TTLL7: variants seen among roughly 807,000 people sequenced by gnomAD.
TTLL7 encodes tubulin polyglutamylase TTLL7.
In TTLL7, 53 loss-of-function variants were observed where a neutral mutation model predicts 120.2. The observed-to-expected ratio is 0.44, with a 90% CI of 0.35 to 0.55. The LOEUF is 0.55. Among genes scored for constraint, TTLL7 ranks in the 20% least tolerant of loss-of-function variants. The pLI, the probability that TTLL7 is intolerant of heterozygous loss-of-function variation, is 0.00. For synonymous variants in TTLL7, 353 were observed against 351.7 expected, an observed-to-expected ratio of 1.00 and a Z score of -0.04; for missense variants, 803 against 1,054.7, an observed-to-expected ratio of 0.76 and a Z score of 3.31.
At chr1:83,917,571 T>C in intron 14 of TTLL7, 33 bp downstream of exon 14, 1 of 1,483,666 alleles carries the variant, frequency 6.7e-7, no homozygotes, top group Non-Finnish European at 9.4e-7. Context: ...AGCATCTACT[T>C]TGATAAGTAA....
At chr1:83,927,840 T>C (rs1184560466) in intron 10 of TTLL7, among the ~76,000 whole-genome samples, 4 of 152,166 alleles carry the variant, frequency 2.6e-5, no homozygotes, top group African/African-American at 9.6e-5. Context: ...CTGCTTAAGA[T>C]ACTGTGATGT....
chr1:83,916,853 G>A (rs527544113), intron 14 of TTLL7, among the ~76,000 whole-genome samples: 1 of 152,182 alleles, frequency 6.6e-6, no homozygotes, highest in East Asian at 1.9e-4. Context: ...ACTTTGGTAG[G>A]CCAAGGCAGG....
Position 83,917,653 on chromosome 1 carries a change from A to G in TTLL7, c.1538T>C (p.Ile513Thr). The G allele has an allele frequency of 1.2e-6, 2 of 1,613,456 alleles. No individual in the cohort carries two copies. Among genetic ancestry groups the G allele is most frequent in the Non-Finnish European group, 1.7e-6 (2 of 1,179,544 alleles). ...DILDLLEQCE[I>T]DDEKLMGKTT... is the part of the protein sequence containing the mutation. Reference sequence around the variant, plus strand: ...TTTTCCCATCAACTTTTCATCATCAATTTCACATTGCTCCAGAAGATCCAA... The same window carrying G: ...TTTTCCCATCAACTTTTCATCATCAGTTTCACATTGCTCCAGAAGATCCAA... Residue 513 changes from isoleucine to threonine, a missense_variant, in exon 14 of 21, where the codon ATT becomes ACT. Transcript: ENST00000260505.
intron 20 of TTLL7, among the ~76,000 whole-genome samples, chr1:83,877,383 T>C (rs1194013317): frequency 3.3e-5 from 5 of 151,992 alleles, no homozygotes; most frequent in Non-Finnish European, 4.4e-5. Context: ...AAAAGTATGG[T>C]AGTCTAGAAC....
chr1:83,949,606 G>C (rs1224435202), intron 4 of TTLL7: 5 of 369,476 alleles, frequency 1.4e-5, no homozygotes, highest in African/African-American at 2.2e-5. Context: ...GATTACAGGT[G>C]TCAGCCACCA....
chr1:83,890,106 A>G (rs1366743672), intron 19 of TTLL7, among the ~76,000 whole-genome samples: 1 of 152,084 alleles, frequency 6.6e-6, no homozygotes, highest in Non-Finnish European at 1.5e-5. Flanking sequence ...CCTTCTCTCC[A>G]CCGAATTCAA....
chr1:83,911,763 C>T (rs189088616), intron 14 of TTLL7, among the ~76,000 whole-genome samples: 129 of 151,830 alleles, frequency 8.5e-4, no homozygotes, highest in African/African-American at 2.9e-3. Flanking sequence ...TTATCATTAA[C>T]GTTCAGAGTT....
At chr1:83,883,353 G>A (rs1043012305) in intron 19 of TTLL7, among the ~76,000 whole-genome samples, 12 of 151,986 alleles carry the variant, frequency 7.9e-5, no homozygotes, top group East Asian at 1.9e-4. Flanking sequence ...CTATTTGTCC[G>A]TGTGTGTGTT....
chr1:83,988,902 G>A (rs1268821297), intron 1 of TTLL7, among the ~76,000 whole-genome samples: 1 of 152,000 alleles, frequency 6.6e-6, no homozygotes, highest in Non-Finnish European at 1.5e-5. Flanking sequence ...TAGAGACGGG[G>A]TTTCACCATG....
intron 1 of TTLL7, among the ~76,000 whole-genome samples, chr1:83,994,327 T>C (rs945244561): frequency 2.6e-4 from 39 of 152,162 alleles, no homozygotes; most frequent in Middle Eastern, 3.2e-3. Context: ...AGACACTTAA[T>C]GGCCTGCCTA....
chr1:83,987,309 T>C (rs944698191), intron 1 of TTLL7, among the ~76,000 whole-genome samples: 1 of 151,630 alleles, frequency 6.6e-6, no homozygotes, highest in African/African-American at 2.4e-5. Context: ...AAGAAATCAA[T>C]GAAGACTTAA....
At chr1:83,998,779 A>C (rs1391346000) in intron 1 of TTLL7, among the ~76,000 whole-genome samples, 152 bp downstream of exon 1, 1 of 152,234 alleles carries the variant, frequency 6.6e-6, no homozygotes, top group African/African-American at 2.4e-5. Context: ...CGAACGCAGC[A>C]GCTCCCCGTT....
chr1:83,993,145 T>G (rs577215514), intron 1 of TTLL7, among the ~76,000 whole-genome samples: 35 of 152,214 alleles, frequency 2.3e-4, no homozygotes, highest in African/African-American at 8.2e-4. Flanking sequence ...TAAAGAAGAT[T>G]TTACACAATA....
At chr1:83,915,514 T>C (rs1385437843) in intron 14 of TTLL7, among the ~76,000 whole-genome samples, 2 of 152,162 alleles carry the variant, frequency 1.3e-5, no homozygotes, top group Admixed American at 6.5e-5. Context: ...AAGATTTAAA[T>C]GTTAGACCTA....
intron 6 of TTLL7, among the ~76,000 whole-genome samples, chr1:83,945,348 G>T (rs897948153): frequency 2.0e-5 from 3 of 152,138 alleles, no homozygotes; most frequent in Non-Finnish European, 4.4e-5. Flanking sequence ...TGGCAAAATT[G>T]TTACAAGAGA....
chr1:83,914,691 C>T (rs961902855), intron 14 of TTLL7, among the ~76,000 whole-genome samples: 1 of 152,150 alleles, frequency 6.6e-6, no homozygotes, highest in South Asian at 2.1e-4. Context: ...TCTAATAGCA[C>T]TACCTTTCTG....
intron 9 of TTLL7, among the ~76,000 whole-genome samples, chr1:83,929,777 T>G (rs1056452198): frequency 2.6e-5 from 4 of 152,172 alleles, no homozygotes; most frequent in Non-Finnish European, 5.9e-5. Context: ...TTGTTACTAT[T>G]GTCATTGTTA....
intron 7 of TTLL7, among the ~76,000 whole-genome samples, chr1:83,940,637 T>C (rs1333307331): frequency 6.6e-6 from 1 of 152,164 alleles, no homozygotes; most frequent in East Asian, 1.9e-4. Flanking sequence ...TATATCAATG[T>C]TAACCATGTT....
chr1:83,925,808 G>A (rs1659057291), intron 10 of TTLL7, among the ~76,000 whole-genome samples: 1 of 152,044 alleles, frequency 6.6e-6, no homozygotes. Context: ...CTAGCTTCTA[G>A]CAAATCATAG....
Sources: gnomAD v4.1 joint callset for allele counts (sites outside exome capture counted in the v4.1 genomes callset) on GRCh38, gnomAD v4.1.1 for gene constraint, MANE v1.5 for transcripts, NCBI Gene and HGNC (gene_info 2026-07-23, HGNC 2026-07-21) for gene names.